TICAM2: variants seen among roughly 807,000 people sequenced by gnomAD.
TICAM2 encodes TIR domain containing adaptor molecule 2, also known as TIR domain-containing adapter molecule 2.
Under a neutral mutation model 7.3 loss-of-function variants are expected in TICAM2, and 8 were observed. That is an observed-to-expected ratio of 1.10 (90% CI 0.65 to 1.99). The LOEUF is 1.99. Ranked by LOEUF, TICAM2 falls within the 30% of genes most tolerant of loss-of-function variation. TICAM2 has a pLI of 0.00. For synonymous variants in TICAM2, 113 were observed against 99.6 expected (o/e 1.13, Z -0.80); for missense variants, 304 against 278.8 (o/e 1.09, Z -0.65).
intron 1 of TICAM2, among the ~76,000 whole-genome samples, chr5:115,587,707 A>G (rs565702655): frequency 6.6e-6 from 1 of 152,326 alleles, no homozygotes; most frequent in African/African-American, 2.4e-5. Context: ...GGGGTGACCA[A>G]GAAATCCAGT....
At chr5:115,594,351 C>T (rs1373774298) in intron 1 of TICAM2, among the ~76,000 whole-genome samples, 3 of 152,196 alleles carry the variant, frequency 2.0e-5, no homozygotes, top group Non-Finnish European at 4.4e-5. Flanking sequence ...TGGTTGTGTG[C>T]TTTCCTATGC....
At chr5:115,591,947 A>G (rs1029464086) in intron 1 of TICAM2, among the ~76,000 whole-genome samples, 3 of 152,174 alleles carry the variant, frequency 2.0e-5, no homozygotes, top group Non-Finnish European at 4.4e-5. Context: ...ATGAACTTCA[A>G]GGAAAATAAA....
At chr5:115,588,848 G>A (rs1394954213) in intron 1 of TICAM2, among the ~76,000 whole-genome samples, 1 of 152,192 alleles carries the variant, frequency 6.6e-6, no homozygotes, top group Admixed American at 6.5e-5. Context: ...TGATTTGGCA[G>A]GAGGCTTCTG....
chr5:115,578,794 T>C lies in TICAM2; in HGVS notation c.*1755A>G, dbSNP rs1754812159. The stretch of plus-strand genomic sequence containing the variant: ...ATTATGGCAAAAAAATGAATACTTA[T>C]TATGAAAACTGAAAAAGAGAAGTGA... On this transcript the variant is annotated 3_prime_UTR_variant, in exon 2 of 2. Coordinates refer to ENST00000427199, the MANE Select transcript of TICAM2 (RefSeq NM_021649.7). The C allele has an allele frequency of 6.6e-6, 1 of 152,092 alleles. No homozygotes were observed. The highest frequency in any genetic ancestry group is 1.5e-5 in the Non-Finnish European group (1 of 68,016). The allele number at this position is 152,092 out of a possible 1,614,324, so 9.4% of individuals were successfully genotyped here.
intron 1 of TICAM2, among the ~76,000 whole-genome samples, chr5:115,601,789 G>T (rs1370938116): frequency 1.3e-5 from 2 of 152,176 alleles, no homozygotes; most frequent in Non-Finnish European, 2.9e-5. Flanking sequence ...AGAGCCTTTA[G>T]AGCATTTAAG....
rs1468741791 is a variant in TICAM2, at chr5:115,580,634, C to A, written c.623G>T (p.Arg208Ile). Residue 208 changes from arginine (R) to isoleucine (I), a missense_variant, in exon 2 of 2, where the codon AGA becomes ATA. By Grantham distance (97) the Arg-to-Ile change is moderately conservative. Coordinates refer to ENST00000427199, the MANE Select transcript of TICAM2 (RefSeq NM_021649.7). Reference sequence around the variant, plus strand: ...CTTATACACAGACTCCTGAAAAATTCTTTCTACTTGTGTAGGAAATCCACG... The same window carrying A: ...CTTATACACAGACTCCTGAAAAATTATTTCTACTTGTGTAGGAAATCCACG... ...ESRGFPTQVERIFQESVYKTQ... is the reference protein window; with the variant it reads ...ESRGFPTQVEIIFQESVYKTQ... 6.3e-7 allele frequency: 1 copy of A among 1,587,082 alleles called. No individual in the cohort carries two copies. Among genetic ancestry groups the A allele is most frequent in the Non-Finnish European group, 8.5e-7 (1 of 1,171,048 alleles).
chr5:115,594,101 C>T (rs1054342759), intron 1 of TICAM2, among the ~76,000 whole-genome samples: 4 of 152,180 alleles, frequency 2.6e-5, no homozygotes, highest in Non-Finnish European at 5.9e-5. Context: ...GGATGTCCAG[C>T]CTTTCCAGCT....
chr5:115,581,301 G>A lies in TICAM2; in HGVS notation c.-45C>T. 6.3e-7 allele frequency: 1 copy of A among 1,599,392 alleles called. No individual in the cohort carries two copies. The highest frequency in any genetic ancestry group is 1.3e-5 in the African/African-American group (1 of 74,918). On this transcript the variant is annotated 5_prime_UTR_variant, in exon 2 of 2. Coordinates refer to ENST00000427199, the MANE Select transcript of TICAM2 (RefSeq NM_021649.7). ...AGAGGAAAACTTTATGTATTTCTCA[G>A]CATTTCTTTTCAATCTAAAAGAAGT...
chr5:115,589,767 C>G (rs768328790), intron 1 of TICAM2, among the ~76,000 whole-genome samples: 2 of 152,178 alleles, frequency 1.3e-5, no homozygotes, highest in African/African-American at 4.8e-5. Context: ...ATCATTCTCG[C>G]TAGACTGCAA....
chr5:115,586,701 T>C (rs1755119272), intron 1 of TICAM2, among the ~76,000 whole-genome samples: 1 of 152,216 alleles, frequency 6.6e-6, no homozygotes, highest in Admixed American at 6.5e-5. Flanking sequence ...TTTTCGTTCA[T>C]ATCTGAACAG....
intron 1 of TICAM2, among the ~76,000 whole-genome samples, chr5:115,582,687 T>C (rs187960020): frequency 1.6e-3 from 239 of 152,344 alleles, no homozygotes; most frequent in African/African-American, 5.2e-3. Context: ...GTTTCATACT[T>C]TCAAATGTGA....
rs371988785 is a variant in TICAM2 at position 115,594,683 on chromosome 5, A to C, written c.-60+7414T>G. Among the ~76,000 whole-genome samples, 5 of 152,244 alleles carry C rather than the reference A, an allele frequency of 3.3e-5. 1 individual carries two copies. In the East Asian group the frequency reaches 5.8e-4, roughly 18 times the overall value. On this transcript the variant is annotated intron_variant, in intron 1 of 1. Coordinates refer to ENST00000427199, the MANE Select transcript of TICAM2 (RefSeq NM_021649.7). Reference sequence around the variant, plus strand: ...GACAGTGGCTAGACCTGTTAGAAAAAAAATATATGATAGATGTTTTGGCTA... The same window carrying C: ...GACAGTGGCTAGACCTGTTAGAAAACAAATATATGATAGATGTTTTGGCTA...
chr5:115,592,338 A>T (rs1018322332), intron 1 of TICAM2, among the ~76,000 whole-genome samples: 1 of 152,230 alleles, frequency 6.6e-6, no homozygotes, highest in African/African-American at 2.4e-5. Context: ...AAATAACCTG[A>T]ATTCAATTAT....
chr5:115,584,712 A>C (rs912289252), intron 1 of TICAM2, among the ~76,000 whole-genome samples: 2 of 152,244 alleles, frequency 1.3e-5, no homozygotes, highest in Admixed American at 1.3e-4. Flanking sequence ...AGCCCAACAG[A>C]GTGAATCATA....
At chr5:115,584,011 T>A (rs1256639962) in intron 1 of TICAM2, among the ~76,000 whole-genome samples, 4 of 152,190 alleles carry the variant, frequency 2.6e-5, no homozygotes, top group African/African-American at 7.2e-5. Context: ...TGTATGTATA[T>A]ACATTTTCAT....
In TICAM2 at chr5:115,580,870, T is replaced by G; in HGVS notation, c.387A>C (p.Val129=). The part of the protein sequence containing the change: ...RQHLQNLDDA[V]NGSAWTILLL... ...ATAAGATTGTCCATGCAGACCCATT[T>G]ACAGCATCATCTAAATTCTGTAAAT... The change falls in exon 2 of 2, where the codon GTA becomes GTC. Residue 129 remains valine, a synonymous_variant. Transcript: ENST00000427199. 1 of 1,613,584 alleles carries G rather than the reference T, an allele frequency of 6.2e-7. No homozygotes were observed. Among genetic ancestry groups the G allele is most frequent in the Non-Finnish European group, 8.5e-7 (1 of 1,179,570 alleles).
intron 1 of TICAM2, among the ~76,000 whole-genome samples, chr5:115,586,556 AAGAC>A (rs1755113613): frequency 6.6e-6 from 1 of 152,166 alleles, no homozygotes; most frequent in South Asian, 2.1e-4. Flanking sequence ...GTTCAAGAGA[AAGAC>A]AGTGCTTAAC....
intron 1 of TICAM2, 23 bp from the exon 2 acceptor site, chr5:115,581,338 A>G (rs1159429806): frequency 6.4e-7 from 1 of 1,561,020 alleles, no homozygotes; most frequent in South Asian, 1.2e-5. Flanking sequence ...ACAAAACAGA[A>G]GAATATTATA....
intron 1 of TICAM2, among the ~76,000 whole-genome samples, chr5:115,582,615 C>A (rs1467591472): frequency 6.6e-6 from 1 of 152,168 alleles, no homozygotes; most frequent in East Asian, 1.9e-4. Flanking sequence ...ATCCCCCAGA[C>A]AGGCAGTTTC....
Sources: gnomAD v4.1 joint callset for allele counts (sites outside exome capture counted in the v4.1 genomes callset) on GRCh38, gnomAD v4.1.1 for gene constraint, MANE v1.5 for transcripts, NCBI Gene and HGNC (gene_info 2026-07-23, HGNC 2026-07-21) for gene names.